The following NAV2 variants were observed in gnomAD, a reference collection of about 807,000 sequenced individuals.
The protein encoded by NAV2 is neuron navigator 2.
Under a neutral mutation model 223.2 loss-of-function variants are expected in NAV2, and 54 were observed. The ratio of observed to expected loss-of-function variants is 0.24; its 90% confidence interval spans 0.19 to 0.30. The LOEUF (loss-of-function observed/expected upper bound fraction) is 0.30. Among genes scored for constraint, NAV2 ranks in the 10% least tolerant of loss-of-function variants. The pLI is 1.00. For missense variants in NAV2, 2,806 were observed against 3,147.5 expected (o/e 0.89, Z 2.60); for synonymous variants, 1,279 against 1,239.3 (o/e 1.03, Z -0.67).
chr11:19,881,908 A>G (rs1457608739), intron 5 of NAV2, among the ~76,000 whole-genome samples: 1 of 152,072 alleles, frequency 6.6e-6, no homozygotes, highest in African/African-American at 2.4e-5. Flanking sequence ...TTAGTAGGGG[A>G]GGAGAGGGAT....
chr11:19,860,397 G>A (rs1292757642), intron 3 of NAV2, among the ~76,000 whole-genome samples: 6 of 150,098 alleles, frequency 4.0e-5, no homozygotes, highest in Admixed American at 1.3e-4. Flanking sequence ...CGGACGGGGC[G>A]ACAGGGCAGA....
intron 1 of NAV2, among the ~76,000 whole-genome samples, chr11:19,538,221 A>G (rs2044243125): frequency 6.6e-6 from 1 of 152,216 alleles, no homozygotes; most frequent in South Asian, 2.1e-4. Context: ...GCTGTGACAC[A>G]TCTCTAGAGT....
At chr11:19,552,893 GT>G (rs1350098312) in intron 1 of NAV2, among the ~76,000 whole-genome samples, 6 of 151,274 alleles carry the variant, frequency 4.0e-5, no homozygotes, top group African/African-American at 1.2e-4. Context: ...GTGAGTGTGT[GT>G]GGGGGGGAAG....
chr11:19,350,820 AGGT>A, exon 1 of NAV2: 1 of 800,742 alleles, frequency 1.2e-6, no homozygotes, highest in Non-Finnish European at 2.1e-6. Flanking sequence ...ACCTTTGAAG[AGGT>A]GGTGCTGATT....
At chr11:19,668,532 C>CAAAAAAA (rs762975832) in intron 1 of NAV2, among the ~76,000 whole-genome samples, 4 of 64,880 alleles carry the variant, frequency 6.2e-5, no homozygotes, top group Admixed American at 2.4e-4. Context: ...GACTCGGTCT[C>CAAAAAAA]AAAAAAAAAA....
At chr11:19,675,699 G>A (rs573188222) in intron 1 of NAV2, among the ~76,000 whole-genome samples, 3 of 152,278 alleles carry the variant, frequency 2.0e-5, no homozygotes, top group African/African-American at 4.8e-5. Context: ...GCTGTGGAGT[G>A]TACCAACCTG....
chr11:19,469,695 C>A (rs538942499), intron 1 of NAV2, among the ~76,000 whole-genome samples: 2 of 152,310 alleles, frequency 1.3e-5, no homozygotes, highest in Admixed American at 1.3e-4. Flanking sequence ...AGGAAAAAAA[C>A]CACTGAAGTC....
chr11:19,383,375 G>T (rs1417532016), intron 1 of NAV2, among the ~76,000 whole-genome samples: 1 of 152,190 alleles, frequency 6.6e-6, no homozygotes, highest in Non-Finnish European at 1.5e-5. Flanking sequence ...ATGGAGCAAA[G>T]CCCCTCAATT....
chr11:19,545,043 A>G (rs7950863), intron 1 of NAV2, among the ~76,000 whole-genome samples: 44,049 of 152,112 alleles, frequency 0.29, 8,973 homozygotes, highest in African/African-American at 0.59. Context: ...AAGCAAATGT[A>G]CATTGGAGTT....
At position 20,107,689 on chromosome 11, in the gene NAV2, C is replaced by T. The variant is rs764927262; in HGVS notation, c.6867C>T (p.Pro2289=). 6.2e-7 allele frequency: 1 copy of T among 1,614,142 alleles called. No individual in the cohort carries two copies. Among genetic ancestry groups the T allele is most frequent in the South Asian group, 1.1e-5 (1 of 91,092 alleles). The change falls in exon 36 of 38, where the codon CCC becomes CCT. Residue 2289 remains proline, a synonymous_variant. Coordinates refer to ENST00000349880, the MANE Select transcript of NAV2 (RefSeq NM_145117.5). ...TIGPRLFLSC[P]IDVDGSRVWF... ...GCCCCCGGCTCTTCCTGTCATGCCC[C>T]ATCGATGTGGACGGCTCGAGAGTGT...
intron 10 of NAV2, among the ~76,000 whole-genome samples, chr11:19,949,909 C>T (rs138666595): frequency 6.6e-6 from 1 of 152,180 alleles, no homozygotes; most frequent in Non-Finnish European, 1.5e-5. Flanking sequence ...CTCCCTGTTT[C>T]TCTGTGTGCT....
At chr11:19,969,723 A>G (rs960000593) in intron 10 of NAV2, among the ~76,000 whole-genome samples, 10 of 152,086 alleles carry the variant, frequency 6.6e-5, no homozygotes, top group African/African-American at 2.4e-4. Flanking sequence ...CGGGCGGATA[A>G]TGAGGTCAGG....
chr11:19,886,636 G>A (rs540143895), intron 5 of NAV2, among the ~76,000 whole-genome samples: 17 of 152,302 alleles, frequency 1.1e-4, no homozygotes, highest in African/African-American at 3.4e-4. Context: ...CTGTTCCCAC[G>A]ATGTGCTCAG....
chr11:19,405,714 G>T (rs372733070), intron 1 of NAV2, among the ~76,000 whole-genome samples: 1 of 152,204 alleles, frequency 6.6e-6, no homozygotes, highest in East Asian at 1.9e-4. Flanking sequence ...ATCTTTCCAG[G>T]TCTCAGTCCC....
chr11:20,039,604 T>C (rs553481227), intron 12 of NAV2, among the ~76,000 whole-genome samples: 1 of 152,318 alleles, frequency 6.6e-6, no homozygotes, highest in African/African-American at 2.4e-5. Flanking sequence ...TATTTTATTT[T>C]GAGGACAGAT....
chr11:19,442,586 G>T (rs1333245919), intron 1 of NAV2, among the ~76,000 whole-genome samples: 4 of 152,210 alleles, frequency 2.6e-5, no homozygotes, highest in Non-Finnish European at 5.9e-5. Flanking sequence ...GAGCCCAGGT[G>T]TGGGAGAGCT....
intron 2 of NAV2, among the ~76,000 whole-genome samples, chr11:19,838,972 A>G (rs2060375634): frequency 6.6e-6 from 1 of 151,992 alleles, no homozygotes; most frequent in African/African-American, 2.4e-5. Flanking sequence ...TATCCCAGAC[A>G]CCCCTGGAGC....
intron 1 of NAV2, among the ~76,000 whole-genome samples, chr11:19,748,520 A>G (rs1021047461): frequency 3.9e-5 from 6 of 152,220 alleles, no homozygotes; most frequent in Non-Finnish European, 8.8e-5. Flanking sequence ...GTTATAATAC[A>G]TACACCACAA....
intron 1 of NAV2, among the ~76,000 whole-genome samples, chr11:19,405,173 G>T (rs1849841736): frequency 6.6e-6 from 1 of 152,200 alleles, no homozygotes; most frequent in Non-Finnish European, 1.5e-5. Context: ...GTACACGAAG[G>T]CTGCTGGTCT....
Sources: gnomAD v4.1 joint callset for allele counts (sites outside exome capture counted in the v4.1 genomes callset) on GRCh38, gnomAD v4.1.1 for gene constraint, MANE v1.5 for transcripts, NCBI Gene and HGNC (gene_info 2026-07-23, HGNC 2026-07-21) for gene names.